Variants in PMF1 observed in about 807,000 individuals in gnomAD.
PMF1 encodes polyamine-modulated factor 1.
Under a neutral mutation model 26.7 loss-of-function variants are expected in PMF1, and 21 were observed. The observed-to-expected ratio is 0.79, with a 90% CI of 0.56 to 1.13. PMF1 has a LOEUF of 1.13. Among genes scored for constraint, PMF1 ranks in the 50% most tolerant of loss-of-function variants. PMF1 has a pLI of 0.00. For missense variants in PMF1, 266 were observed against 254.9 expected, an observed-to-expected ratio of 1.04 and a Z score of -0.30; for synonymous variants, 105 against 101.0, an observed-to-expected ratio of 1.04 and a Z score of -0.24.
At chr1:156,222,800 A>AGCCACT (rs10689535) in intron 1 of PMF1, among the ~76,000 whole-genome samples, 6,091 of 151,764 alleles carry the variant, frequency 0.04, 424 homozygotes, top group African/African-American at 0.14. Context: ...TACAGGCGTG[A>AGCCACT]GTGTATGGCG....
chr1:156,236,629 C>A, intron 4 of PMF1, 146 bp downstream of exon 4: 1 of 1,095,450 alleles, frequency 9.1e-7, no homozygotes, highest in Non-Finnish European at 1.3e-6. Flanking sequence ...TGAATTACCT[C>A]TCCTTGGGCG....
At chr1:156,217,544 G>T (rs1007746806) in intron 1 of PMF1, among the ~76,000 whole-genome samples, 2 of 152,132 alleles carry the variant, frequency 1.3e-5, no homozygotes, top group East Asian at 1.9e-4. Flanking sequence ...TGGCCAACAC[G>T]GTGAAACCCC....
intron 2 of PMF1, 55 bp from the exon 3 acceptor site, chr1:156,233,573 T>G (rs1400442901): frequency 2.5e-6 from 4 of 1,572,870 alleles, no homozygotes; most frequent in Non-Finnish European, 3.5e-6. Context: ...GTTTAGCATA[T>G]TTTTGCCATG....
intron 1 of PMF1, among the ~76,000 whole-genome samples, chr1:156,216,576 T>C (rs1309270932): frequency 6.6e-6 from 1 of 151,912 alleles, no homozygotes; most frequent in Non-Finnish European, 1.5e-5. Flanking sequence ...GCGGGCCTGC[T>C]GATCTCTCGC....
At chr1:156,217,665 T>G (rs560796527) in intron 1 of PMF1, among the ~76,000 whole-genome samples, 104 of 151,802 alleles carry the variant, frequency 6.9e-4, no homozygotes, top group Admixed American at 1.9e-3. Context: ...GGCGGGGAAG[T>G]TGCAGTGAGC....
intron 4 of PMF1, chr1:156,237,198 A>G (rs887220542): frequency 6.6e-6 from 1 of 152,428 alleles, no homozygotes; most frequent in Non-Finnish European, 1.5e-5. Context: ...CTGGGATTAC[A>G]TGTGCTCATC....
At chr1:156,238,351 C>A (rs1479207128) in intron 4 of PMF1, among the ~76,000 whole-genome samples, 1 of 152,170 alleles carries the variant, frequency 6.6e-6, no homozygotes, top group African/African-American at 2.4e-5. Context: ...ATTGTGTGTC[C>A]TTTGAGGGCG....
intron 1 of PMF1, among the ~76,000 whole-genome samples, chr1:156,214,532 A>G (rs551527633): frequency 1.3e-3 from 198 of 152,322 alleles, no homozygotes; most frequent in Non-Finnish European, 5.1e-4. Context: ...TGGAGCTTGC[A>G]TTCAATGCGT....
At chr1:156,229,355 G>A (rs1043435782) in intron 1 of PMF1, among the ~76,000 whole-genome samples, 1 of 151,654 alleles carries the variant, frequency 6.6e-6, no homozygotes, top group East Asian at 1.9e-4. Flanking sequence ...GAGAGCCCCG[G>A]TTTGCAGTGT....
At chr1:156,235,350 C>T (rs919411130) in intron 3 of PMF1, among the ~76,000 whole-genome samples, 14 of 151,616 alleles carry the variant, frequency 9.2e-5, no homozygotes, top group African/African-American at 2.4e-4. Context: ...TCCCAAACAC[C>T]GGACCTCAGG....
At chr1:156,214,005 G>A (rs982887047) in intron 1 of PMF1, among the ~76,000 whole-genome samples, 1 of 152,078 alleles carries the variant, frequency 6.6e-6, no homozygotes. Context: ...TCCGTCTCCC[G>A]GGTTCAAAGG....
intron 1 of PMF1, among the ~76,000 whole-genome samples, chr1:156,230,297 G>A (rs1013843067): frequency 1.3e-5 from 2 of 152,204 alleles, no homozygotes; most frequent in African/African-American, 4.8e-5. Context: ...CTCGAACACC[G>A]CTTCATCTGA....
At chr1:156,215,513 C>CA (rs1398135907) in intron 1 of PMF1, among the ~76,000 whole-genome samples, 1 of 152,098 alleles carries the variant, frequency 6.6e-6, no homozygotes, top group East Asian at 1.9e-4. Context: ...CCATAGTCCC[C>CA]ACTTTCTCTT....
chr1:156,235,784 G>T (rs1287470253), intron 3 of PMF1, among the ~76,000 whole-genome samples: 1 of 152,214 alleles, frequency 6.6e-6, no homozygotes, highest in African/African-American at 2.4e-5. Context: ...TCCACCTCTT[G>T]TGTAATCTTG....
chr1:156,228,489 T>C (rs1212703117), intron 1 of PMF1, among the ~76,000 whole-genome samples: 1 of 151,950 alleles, frequency 6.6e-6, no homozygotes, highest in African/African-American at 2.4e-5. Flanking sequence ...CTTGTGTCTG[T>C]GTATGAGTGT....
At chr1:156,225,160 A>G (rs1309886842) in intron 1 of PMF1, among the ~76,000 whole-genome samples, 2 of 152,086 alleles carry the variant, frequency 1.3e-5, no homozygotes, top group Non-Finnish European at 2.9e-5. Context: ...TCAGCCTCCC[A>G]AAGTACTGAG....
chr1:156,214,020 C>G (rs908602901), intron 1 of PMF1, among the ~76,000 whole-genome samples: 1 of 152,060 alleles, frequency 6.6e-6, no homozygotes, highest in African/African-American at 2.4e-5. Flanking sequence ...CAAAGGATTC[C>G]CCTGCCTCAG....
intron 1 of PMF1, among the ~76,000 whole-genome samples, chr1:156,213,963 G>T (rs1657541670): frequency 6.6e-6 from 1 of 152,084 alleles, no homozygotes; most frequent in African/African-American, 2.4e-5. Flanking sequence ...GCCCAGGCTG[G>T]AGCAGTGGCG....
At chr1:156,219,849 A>G (rs1657983601) in intron 1 of PMF1, among the ~76,000 whole-genome samples, 1 of 152,180 alleles carries the variant, frequency 6.6e-6, no homozygotes, top group African/African-American at 2.4e-5. Flanking sequence ...TCCCTGGCTT[A>G]GGTGATCCTT....
Sources: allele counts gnomAD v4.1 joint callset (sites outside exome capture counted in the v4.1 genomes callset), GRCh38; gene constraint gnomAD v4.1.1; transcripts MANE v1.5; gene names NCBI Gene and HGNC (gene_info 2026-07-23, HGNC 2026-07-21).